ADGRA1: variants seen among roughly 807,000 people sequenced by gnomAD.
ADGRA1 encodes adhesion G protein-coupled receptor A1.
ADGRA1 carries 12 observed loss-of-function variants against 21.3 expected under a neutral mutation model. The ratio of observed to expected loss-of-function variants is 0.56; its 90% CI spans 0.36 to 0.91. The LOEUF (loss-of-function observed/expected upper bound fraction) is 0.91, where lower values mean the gene tolerates loss of function less well. Ranked by LOEUF, ADGRA1 falls within the 40% of genes least tolerant of loss-of-function variation. The pLI is 0.01. For synonymous variants in ADGRA1, 385 were observed against 368.8 expected (o/e 1.04, Z -0.50); for missense variants, 790 against 805.6 (o/e 0.98, Z 0.23).
At chr10:133,093,927 T>G (rs1851644071) in intron 2 of ADGRA1, among the ~76,000 whole-genome samples, 1 of 152,228 alleles carries the variant, frequency 6.6e-6, no homozygotes, top group African/African-American at 2.4e-5. Flanking sequence ...CCTCTGAAAA[T>G]GTAGACAGGC....
intron 2 of ADGRA1, among the ~76,000 whole-genome samples, chr10:133,089,466 G>A (rs1272093069): frequency 6.6e-6 from 1 of 152,232 alleles, no homozygotes; most frequent in Non-Finnish European, 1.5e-5. Flanking sequence ...TGGCTGGATC[G>A]GCTAGCCGAG....
intron 5 of ADGRA1, among the ~76,000 whole-genome samples, chr10:133,105,811 G>A (rs1375250864): frequency 2.0e-5 from 3 of 152,206 alleles, no homozygotes; most frequent in Admixed American, 1.3e-4. Context: ...GTCCAGGGAG[G>A]CCCAGCAGCG....
chr10:133,121,547 TGTGTGA>T (rs1415891345), intron 5 of ADGRA1, among the ~76,000 whole-genome samples: 1 of 143,154 alleles, frequency 7.0e-6, no homozygotes, highest in African/African-American at 2.7e-5. Context: ...TGCCAGTGTG[TGTGTGA>T]GTGTGCTTGT....
intron 4 of ADGRA1, among the ~76,000 whole-genome samples, chr10:133,101,866 G>A (rs566793273): frequency 2.6e-5 from 4 of 152,246 alleles, no homozygotes; most frequent in South Asian, 2.1e-4. Flanking sequence ...GCAGCCCTCC[G>A]ATCTTTCCAG....
At chr10:133,125,753 T>C (rs1852365729) in intron 5 of ADGRA1, among the ~76,000 whole-genome samples, 1 of 152,162 alleles carries the variant, frequency 6.6e-6, no homozygotes, top group Non-Finnish European at 1.5e-5. Context: ...TTTCTTATGG[T>C]TGCTCTAATG....
At chr10:133,112,318 G>GCGT (rs1564849951) in intron 5 of ADGRA1, among the ~76,000 whole-genome samples, 5 of 151,088 alleles carry the variant, frequency 3.3e-5, no homozygotes, top group Non-Finnish European at 3.0e-5. Flanking sequence ...TCTGCGGGCC[G>GCGT]CATCGGTTAT....
At chr10:133,093,239 C>G (rs376289159) in intron 2 of ADGRA1, 10 of 1,588,430 alleles carry the variant, frequency 6.3e-6, no homozygotes, top group Non-Finnish European at 7.7e-6. Flanking sequence ...CACTTTCCCA[C>G]CTCTCACTGC....
rs746653810 is a variant in ADGRA1 at position 133,102,731 on chromosome 10, C to G, written c.290C>G (p.Thr97Ser). ...GIVLHYSTLS[T>S]MLWIGVTARN... ...GTGCTGCACTATTCTACACTGTCCA[C>G]CATGCTGTGGATAGGAGTGACCGCC... The change falls in exon 5 of 7, where the codon ACC (threonine) becomes AGC (serine). Residue 97 changes from threonine (T) to serine (S), a missense_variant. By Grantham distance (58) the Thr-to-Ser change is moderately conservative. This residue lies in a region of ADGRA1 where 382 missense variants were observed against 415.6 expected (regional missense o/e 0.92). Transcript: ENST00000392607. 4 of 1,612,358 alleles carry G rather than the reference C, an allele frequency of 2.5e-6. No homozygotes were observed. In the African/African-American group the frequency reaches 5.3e-5, roughly 22 times the overall value.
Position 133,121,233 on chromosome 10 carries a change from G to A in ADGRA1, c.402-6000G>A, listed in dbSNP as rs561349377. On this transcript the variant is annotated intron_variant, in intron 5 of 6. Coordinates refer to ENST00000392607, the MANE Select transcript of ADGRA1 (RefSeq NM_001083909.3). ...ACACAGAGACATAAAATGAACACACGCTGTTGGAAAAATGGCGCTGATGGA... is the reference window on the plus strand; with the variant it reads ...ACACAGAGACATAAAATGAACACACACTGTTGGAAAAATGGCGCTGATGGA... Among the ~76,000 whole-genome samples, 6 of 152,318 alleles carry A rather than the reference G, an allele frequency of 3.9e-5. No homozygotes were observed. In the East Asian group the frequency reaches 1.2e-3, roughly 29 times the overall value.
chr10:133,115,080 G>T (rs1241872728), intron 5 of ADGRA1, among the ~76,000 whole-genome samples: 1 of 152,202 alleles, frequency 6.6e-6, no homozygotes, highest in Admixed American at 6.5e-5. Context: ...GGGTGGCTAG[G>T]AGCCTGGGGG....
chr10:133,100,388 GC>G (rs1851769508), intron 4 of ADGRA1, among the ~76,000 whole-genome samples: 1 of 152,254 alleles, frequency 6.6e-6, no homozygotes. Context: ...CACCAAGTAC[GC>G]CCCACACTGG....
At chr10:133,095,795 G>A in intron 2 of ADGRA1, 2 of 1,597,408 alleles carry the variant, frequency 1.3e-6, no homozygotes, top group Non-Finnish European at 1.7e-6. Flanking sequence ...CACTGCCTCT[G>A]CCCATGGCCC....
chr10:133,095,243 C>G (rs1386039022), intron 2 of ADGRA1, among the ~76,000 whole-genome samples: 1 of 152,148 alleles, frequency 6.6e-6, no homozygotes, highest in Admixed American at 6.5e-5. Flanking sequence ...TCAGGAGAAT[C>G]TGGACAGAGG....
At chr10:133,108,617 A>G (rs1263830010) in intron 5 of ADGRA1, among the ~76,000 whole-genome samples, 1 of 152,072 alleles carries the variant, frequency 6.6e-6, no homozygotes, top group Non-Finnish European at 1.5e-5. Flanking sequence ...TCACCTCCCA[A>G]TACTCTCAAG....
chr10:133,096,889 G>A (rs1021358725), intron 2 of ADGRA1, 85 bp from the exon 3 acceptor site: 90 of 1,498,828 alleles, frequency 6.0e-5, no homozygotes, highest in African/African-American at 6.9e-5. Flanking sequence ...AGGGGAAGCC[G>A]AGCCCCAAGG....
chr10:133,096,435 G>A (rs913942929), intron 2 of ADGRA1, among the ~76,000 whole-genome samples: 7 of 152,172 alleles, frequency 4.6e-5, no homozygotes, highest in South Asian at 4.1e-4. Context: ...TGCGGCCTCC[G>A]GTCCAGGTCT....
At chr10:133,111,247 A>C (rs111505267) in intron 5 of ADGRA1, among the ~76,000 whole-genome samples, 1,152 of 23,292 alleles carry the variant, frequency 0.049, 47 homozygotes, top group East Asian at 0.12. Context: ...CCCACCAGAC[A>C]ACCTGCCCAC....
At chr10:133,099,279 A>G (rs12571867) in intron 4 of ADGRA1, among the ~76,000 whole-genome samples, 11 of 132,050 alleles carry the variant, frequency 8.3e-5, no homozygotes, top group African/African-American at 1.8e-4. Flanking sequence ...AGTGGTGGGG[A>G]GACACAGCCC....
Position 133,128,605 on chromosome 10 carries a change from C to G in ADGRA1, c.777C>G (p.Ala259=). 1 of 1,600,354 alleles carries G rather than the reference C, an allele frequency of 6.2e-7. No individual in the cohort carries two copies. Among genetic ancestry groups the G allele is most frequent in the Non-Finnish European group, 8.5e-7 (1 of 1,175,634 alleles). The part of the protein sequence containing the change: ...EHSFQAQLRA[A]AFTLFLFTAT... ...CATTCCAGGCACAGCTGCGCGCCGC[C>G]GCCTTCACGCTGTTCCTGTTCACGG... Residue 259 remains alanine, a synonymous_variant, in exon 7 of 7, where the codon GCC becomes GCG. Transcript: ENST00000392607.
Sources: gnomAD v4.1 joint callset for allele counts (sites outside exome capture counted in the v4.1 genomes callset) on GRCh38, gnomAD v4.1.1 for gene constraint, gnomAD v4.1.1 regional missense constraint, MANE v1.5 for transcripts, NCBI Gene and HGNC (gene_info 2026-07-23, HGNC 2026-07-21) for gene names.